Variants in ASIC2 observed in about 807,000 individuals in gnomAD.
ASIC2 encodes acid sensing ion channel subunit 2, also known as acid-sensing ion channel 2.
Under a neutral mutation model 57.3 loss-of-function variants are expected in ASIC2, and 25 were observed. The observed-to-expected ratio is 0.44, with a 90% CI of 0.32 to 0.61. The LOEUF (loss-of-function observed/expected upper bound fraction) is 0.61. Ranked by LOEUF, ASIC2 falls within the 20% of genes least tolerant of loss-of-function variation. The pLI, the probability that ASIC2 is intolerant of heterozygous loss-of-function variation, is 0.06. For synonymous variants in ASIC2, 319 were observed against 307.5 expected, an observed-to-expected ratio of 1.04 and a Z score of -0.39; for missense variants, 641 against 738.1, an observed-to-expected ratio of 0.87 and a Z score of 1.52.
At chr17:33,114,461 T>C (rs1597584739) in intron 1 of ASIC2, among the ~76,000 whole-genome samples, 1 of 152,214 alleles carries the variant, frequency 6.6e-6, no homozygotes, top group Non-Finnish European at 1.5e-5. Context: ...CTCTTCAAAA[T>C]TGCTTAAAAT....
intron 1 of ASIC2, among the ~76,000 whole-genome samples, chr17:34,057,604 A>T (rs901804008): frequency 2.6e-5 from 4 of 152,164 alleles, no homozygotes; most frequent in African/African-American, 9.7e-5. Context: ...AGGAAATACA[A>T]CAGAAAGAAA....
At chr17:33,606,309 C>T (rs189490432) in intron 1 of ASIC2, among the ~76,000 whole-genome samples, 20 of 152,246 alleles carry the variant, frequency 1.3e-4, no homozygotes, top group African/African-American at 4.6e-4. Context: ...CCTCAGTTCC[C>T]ACATCTGGTG....
chr17:33,421,504 G>A (rs2141971857), intron 1 of ASIC2, among the ~76,000 whole-genome samples: 1 of 152,352 alleles, frequency 6.6e-6, no homozygotes, highest in East Asian at 1.9e-4. Context: ...CTTTGTGGCT[G>A]TGAATCTGGT....
chr17:33,536,864 T>A (rs567643069), intron 1 of ASIC2, among the ~76,000 whole-genome samples: 1 of 152,008 alleles, frequency 6.6e-6, no homozygotes, highest in Non-Finnish European at 1.5e-5. Flanking sequence ...CCAGGTGTGG[T>A]AGCACTCACC....
intron 1 of ASIC2, among the ~76,000 whole-genome samples, chr17:33,941,845 A>G (rs62059921): frequency 6.6e-6 from 1 of 152,100 alleles, no homozygotes; most frequent in Non-Finnish European, 1.5e-5. Flanking sequence ...AGGACAGGGC[A>G]GGATGCTGCT....
intron 1 of ASIC2, among the ~76,000 whole-genome samples, chr17:33,372,266 GGTGTTAGCACAGAAGTACA>G (rs1909098839): frequency 6.6e-6 from 1 of 151,978 alleles, no homozygotes; most frequent in Non-Finnish European, 1.5e-5. Flanking sequence ...ATAGGTAGCT[GGTGTTAGCACAGAAGTACA>G]GTGGGGCTTC....
At chr17:33,207,719 A>G (rs1304589132) in intron 1 of ASIC2, among the ~76,000 whole-genome samples, 1 of 152,184 alleles carries the variant, frequency 6.6e-6, no homozygotes, top group Non-Finnish European at 1.5e-5. Flanking sequence ...TCTCTCTGAC[A>G]GCCAAGAGCC....
chr17:33,859,394 G>A (rs2141922579), intron 1 of ASIC2, among the ~76,000 whole-genome samples: 1 of 152,276 alleles, frequency 6.6e-6, no homozygotes, highest in African/African-American at 2.4e-5. Context: ...GAGGAAAAGG[G>A]GGGAGGAACA....
intron 7 of ASIC2, among the ~76,000 whole-genome samples, chr17:33,020,022 G>A (rs1361225599): frequency 6.6e-6 from 1 of 152,046 alleles, no homozygotes; most frequent in East Asian, 1.9e-4. Flanking sequence ...TGGGGCCAAG[G>A]GAATGAGTCT....
intron 1 of ASIC2, among the ~76,000 whole-genome samples, chr17:33,833,018 T>G (rs1913161754): frequency 6.6e-6 from 1 of 152,210 alleles, no homozygotes; most frequent in African/African-American, 2.4e-5. Context: ...CATAGATAGA[T>G]TTTTAAAACA....
chr17:33,266,746 G>A (rs1360887198), intron 1 of ASIC2, among the ~76,000 whole-genome samples: 1 of 152,104 alleles, frequency 6.6e-6, no homozygotes, highest in East Asian at 1.9e-4. Flanking sequence ...TGTCAATGGT[G>A]CATGCCATTG....
chr17:33,190,810 A>G (rs966983753), intron 1 of ASIC2, among the ~76,000 whole-genome samples: 1 of 151,364 alleles, frequency 6.6e-6, no homozygotes, highest in Non-Finnish European at 1.5e-5. Context: ...CTAAAATGAT[A>G]AAGACTGACC....
At chr17:34,013,956 C>T (rs530738196) in intron 1 of ASIC2, among the ~76,000 whole-genome samples, 1 of 152,136 alleles carries the variant, frequency 6.6e-6, no homozygotes, top group East Asian at 1.9e-4. Flanking sequence ...AGGTTCAAAG[C>T]AGGGAGTCTG....
chr17:33,265,766 G>T (rs1909436161), intron 1 of ASIC2, among the ~76,000 whole-genome samples: 1 of 152,118 alleles, frequency 6.6e-6, no homozygotes. Context: ...CCAGTCCTGG[G>T]CTTCCTTCTA....
chr17:33,170,664 G>T (rs1207784825), intron 1 of ASIC2, among the ~76,000 whole-genome samples: 1 of 152,142 alleles, frequency 6.6e-6, no homozygotes, highest in Non-Finnish European at 1.5e-5. Flanking sequence ...AAAAGGAAGG[G>T]CAAGAAGGGC....
intron 3 of ASIC2, among the ~76,000 whole-genome samples, chr17:33,046,723 C>T (rs1012894700): frequency 2.0e-5 from 3 of 152,198 alleles, no homozygotes; most frequent in African/African-American, 7.2e-5. Context: ...TCTGTTGAGC[C>T]CCTGCATGGG....
At chr17:33,808,004 T>C (rs12453213) in intron 1 of ASIC2, among the ~76,000 whole-genome samples, 20,187 of 152,270 alleles carry the variant, frequency 0.13, 1,420 homozygotes, top group East Asian at 0.19. Context: ...ATTCTGTTGA[T>C]GGTGTCTTTC....
intron 1 of ASIC2, among the ~76,000 whole-genome samples, chr17:33,999,154 A>G (rs1204351773): frequency 6.6e-6 from 1 of 152,058 alleles, no homozygotes; most frequent in African/African-American, 2.4e-5. Context: ...CTTAAAATCT[A>G]TTTTGTCCGA....
chr17:33,281,703 C>T (rs1051362522), intron 1 of ASIC2, among the ~76,000 whole-genome samples: 16 of 152,174 alleles, frequency 1.1e-4, no homozygotes, highest in African/African-American at 3.4e-4. Flanking sequence ...TGCATTGGTG[C>T]GAGGCAGGGT....
Sources: allele counts gnomAD v4.1 joint callset (sites outside exome capture counted in the v4.1 genomes callset), GRCh38; gene constraint gnomAD v4.1.1; transcripts MANE v1.5; gene names NCBI Gene and HGNC (gene_info 2026-07-23, HGNC 2026-07-21).